The following RAB14 variants were observed in gnomAD, a reference collection of about 807,000 sequenced individuals.
The protein encoded by RAB14 is ras-related protein Rab-14.
A neutral mutation model predicts 31.1 loss-of-function variants in RAB14; 3 were observed. The ratio of observed to expected loss-of-function variants is 0.10; its 90% confidence interval spans 0.04 to 0.25. The LOEUF is 0.25. Among genes scored for constraint, RAB14 ranks in the 10% least tolerant of loss-of-function variants. The pLI is 1.00. For missense variants in RAB14, 111 were observed against 260.1 expected (o/e 0.43, Z 3.94); for synonymous variants, 85 against 84.9 (o/e 1.00, Z 0.00).
intron 1 of RAB14, 118 bp from the exon 2 acceptor site, chr9:121,193,537 C>A: frequency 3.0e-6 from 2 of 659,834 alleles, no homozygotes; most frequent in South Asian, 3.7e-5. Context: ...ATGTTGGTTA[C>A]AGTAAGTCAA....
At chr9:121,197,886 T>A (rs1164853460) in intron 1 of RAB14, among the ~76,000 whole-genome samples, 2 of 152,150 alleles carry the variant, frequency 1.3e-5, no homozygotes, top group African/African-American at 4.8e-5. Flanking sequence ...AGTACATCTA[T>A]AATACAAAAT....
At chr9:121,182,831 ACTTTATATGT>A in intron 7 of RAB14, 89 bp downstream of exon 7, 1 of 843,614 alleles carries the variant, frequency 1.2e-6, no homozygotes, top group Non-Finnish European at 1.7e-6. Context: ...TATAGATAGT[ACTTTATATGT>A]GTATATACAT....
rs1159703508 is a variant in RAB14 at position 121,180,146 on chromosome 9, C to T, written c.*1250G>A. 1 of 152,606 alleles carries T rather than the reference C, an allele frequency of 6.6e-6. No homozygotes were observed. The highest frequency in any genetic ancestry group is 2.4e-5 in the African/African-American group (1 of 41,442). The allele number at this position is 152,606 out of a possible 1,614,324, so 9.5% of individuals were successfully genotyped here. A position where few individuals can be genotyped will look rare whatever the true frequency, so the allele number is the denominator to read the frequency against. ...CAATTTATGCCAACATGACATAAAA[C>T]AGCCCCTCACACTGTGAACACAGGG... is the stretch of plus-strand genomic sequence containing the variant. On this transcript the variant is annotated 3_prime_UTR_variant, in exon 8 of 8. Coordinates refer to ENST00000373840, the MANE Select transcript of RAB14 (RefSeq NM_016322.4).
chr9:121,190,797 A>G, intron 3 of RAB14, 66 bp from the exon 4 acceptor site: 1 of 1,472,918 alleles, frequency 6.8e-7, no homozygotes, highest in Non-Finnish European at 9.3e-7. Context: ...CTAGAGGGGG[A>G]AAATCCACTA....
chr9:121,192,541 G>GT (rs1306892990), intron 2 of RAB14, among the ~76,000 whole-genome samples: 7 of 151,370 alleles, frequency 4.6e-5, no homozygotes, highest in South Asian at 4.2e-4. Context: ...GTTTTCTTTT[G>GT]TTTTTTTCCT....
At chr9:121,196,004 G>A (rs571834264) in intron 1 of RAB14, among the ~76,000 whole-genome samples, 1 of 151,954 alleles carries the variant, frequency 6.6e-6, no homozygotes, top group South Asian at 2.1e-4. Context: ...ACATACTATT[G>A]TTAAGGTGAG....
At chr9:121,183,786 A>C (rs187098241) in intron 5 of RAB14, among the ~76,000 whole-genome samples, 5 of 152,216 alleles carry the variant, frequency 3.3e-5, no homozygotes, top group Non-Finnish European at 4.4e-5. Context: ...TGTGGCCCAC[A>C]GGCCATACAT....
At chr9:121,193,936 T>A (rs532296624) in intron 1 of RAB14, among the ~76,000 whole-genome samples, 5 of 152,232 alleles carry the variant, frequency 3.3e-5, no homozygotes, top group African/African-American at 1.2e-4. Context: ...CTACTTTAAA[T>A]CAACAGTTAG....
chr9:121,196,787 T>C (rs2053719471), intron 1 of RAB14, among the ~76,000 whole-genome samples: 2 of 152,240 alleles, frequency 1.3e-5, no homozygotes, highest in South Asian at 4.1e-4. Context: ...TATAAATGAC[T>C]GGTAATACTA....
chr9:121,193,279 G>C, intron 2 of RAB14, 82 bp downstream of exon 2: 1 of 905,994 alleles, frequency 1.1e-6, no homozygotes, highest in Admixed American at 2.3e-5. Context: ...GTCCTGAAGT[G>C]GTACTGTTTA....
chr9:121,182,357 G>A (rs2057471), intron 7 of RAB14, among the ~76,000 whole-genome samples: 17,962 of 152,160 alleles, frequency 0.12, 1,207 homozygotes, highest in East Asian at 0.18. Flanking sequence ...CCTCCATTCA[G>A]TTTTCTTTGG....
intron 1 of RAB14, among the ~76,000 whole-genome samples, chr9:121,194,932 A>C (rs1230816818): frequency 6.6e-6 from 1 of 152,186 alleles, no homozygotes; most frequent in African/African-American, 2.4e-5. Flanking sequence ...AAGCCTTGTT[A>C]CCCATTCCAG....
chr9:121,189,707 T>C (rs925845058), intron 4 of RAB14, among the ~76,000 whole-genome samples: 12 of 152,158 alleles, frequency 7.9e-5, no homozygotes, highest in Admixed American at 2.6e-4. Context: ...ACGCACATTA[T>C]GACACATCAA....
intron 5 of RAB14, among the ~76,000 whole-genome samples, chr9:121,184,059 A>G (rs1334461297): frequency 2.6e-5 from 4 of 152,206 alleles, no homozygotes; most frequent in African/African-American, 7.2e-5. Context: ...AGGCAAAAGG[A>G]CTTGCTGAAG....
Position 121,189,021 on chromosome 9 carries a change from G to A in RAB14, c.284+1533C>T, listed in dbSNP as rs374105131. Reference sequence around the variant, plus strand: ...TAAATTTACCAGAATATAAATTCTCGATATTTCATAAATGAAATCATACAG... The same window carrying A: ...TAAATTTACCAGAATATAAATTCTCAATATTTCATAAATGAAATCATACAG... On this transcript the variant is annotated intron_variant, in intron 4 of 7. Coordinates refer to ENST00000373840, the MANE Select transcript of RAB14 (RefSeq NM_016322.4). 2.6e-5 allele frequency among the ~76,000 whole-genome samples: 4 copies of A among 152,052 alleles called. No individual in the cohort carries two copies. In the South Asian group the frequency reaches 6.2e-4, roughly 24 times the overall value.
At chr9:121,190,909 G>A (rs1200925111) in intron 3 of RAB14, among the ~76,000 whole-genome samples, 178 bp from the exon 4 acceptor site, 1 of 152,118 alleles carries the variant, frequency 6.6e-6, no homozygotes. Context: ...TCAGGGAAAT[G>A]TGACTGTACT....
intron 1 of RAB14, among the ~76,000 whole-genome samples, chr9:121,194,030 T>C (rs1382491236): frequency 6.6e-6 from 1 of 151,960 alleles, no homozygotes; most frequent in Non-Finnish European, 1.5e-5. Context: ...TATAGATTTT[T>C]CAAGTCAAAG....
At chr9:121,195,513 T>C (rs184195619) in intron 1 of RAB14, among the ~76,000 whole-genome samples, 1 of 152,288 alleles carries the variant, frequency 6.6e-6, no homozygotes, top group East Asian at 1.9e-4. Context: ...ATTTTAGTTG[T>C]ACTAATTTGT....
chr9:121,179,372 C>G lies in RAB14; in HGVS notation c.*2024G>C, dbSNP rs1374671674. On this transcript the variant is annotated 3_prime_UTR_variant, in exon 8 of 8. Coordinates refer to ENST00000373840, the MANE Select transcript of RAB14 (RefSeq NM_016322.4). ...TTGTTACATCAAATGAAGAGTACAG[C>G]AGTCTGAATAAATCCTTCAGTCACA... 4 of 152,610 alleles carry G rather than the reference C, an allele frequency of 2.6e-5. No individual in the cohort carries two copies. Among genetic ancestry groups the G allele is most frequent in the Non-Finnish European group, 1.5e-5 (1 of 68,036 alleles). The allele number at this position is 152,610 out of a possible 1,614,324, so 9.5% of individuals were successfully genotyped here.
Sources: allele counts gnomAD v4.1 joint callset (sites outside exome capture counted in the v4.1 genomes callset), GRCh38; gene constraint gnomAD v4.1.1; transcripts MANE v1.5; gene names NCBI Gene and HGNC (gene_info 2026-07-23, HGNC 2026-07-21).